The following THADA variants were observed in gnomAD, a reference collection of about 807,000 sequenced individuals.
The protein encoded by THADA is THADA armadillo repeat containing.
A neutral mutation model predicts 219.8 loss-of-function variants in THADA; 213 were observed. That is an observed-to-expected ratio of 0.97 (90% confidence interval 0.87 to 1.09). The LOEUF (loss-of-function observed/expected upper bound fraction) is 1.09. Among genes scored for constraint, THADA ranks in the 50% least tolerant of loss-of-function variants. The probability of loss-of-function intolerance (pLI) is 0.00; values close to 1 mark genes in which losing one functional copy is unlikely to be tolerated. For synonymous variants in THADA, 1,018 were observed against 828.9 expected, an observed-to-expected ratio of 1.23 and a Z score of -3.92; for missense variants, 2,956 against 2,311.3, an observed-to-expected ratio of 1.28 and a Z score of -5.72.
intron 28 of THADA, among the ~76,000 whole-genome samples, chr2:43,427,170 T>C (rs571192759): frequency 6.6e-6 from 1 of 152,284 alleles, no homozygotes; most frequent in African/African-American, 2.4e-5. Flanking sequence ...TGCCACCCAT[T>C]GCACCGGCTC....
At chr2:43,448,498 C>T (rs930670660) in intron 26 of THADA, among the ~76,000 whole-genome samples, 1 of 151,874 alleles carries the variant, frequency 6.6e-6, no homozygotes, top group African/African-American at 2.4e-5. Context: ...AGTTACAAAC[C>T]CCTCCCCTCA....
In THADA at chr2:43,571,747, G is replaced by A; in HGVS notation, c.2024C>T (p.Ser675Phe). The change falls in exon 13 of 38, where the codon TCT (serine) becomes TTT (phenylalanine). Residue 675 changes from serine to phenylalanine, a missense_variant. Ser to Phe is a radical substitution (Grantham distance 155, BLOSUM62 -2). Transcript: ENST00000405975. ...FFITYNLNSQSPGVRQQICSL... is the reference protein window; with the variant it reads ...FFITYNLNSQFPGVRQQICSL... ...ACAGATCTGTTGCCGCACTCCTGGA[G>A]ACTGGCTGTTAAGATTGTATGTAAT... 1.2e-6 allele frequency: 2 copies of A among 1,613,906 alleles called. No homozygotes were observed. The highest frequency in any genetic ancestry group is 1.3e-5 in the African/African-American group (1 of 75,026).
At chr2:43,376,626 C>A (rs910351273) in intron 29 of THADA, among the ~76,000 whole-genome samples, 1 of 152,180 alleles carries the variant, frequency 6.6e-6, no homozygotes, top group African/African-American at 2.4e-5. Context: ...GCCCCAAATA[C>A]CACACTCGAA....
chr2:43,581,680 G>A (rs1700475253), intron 8 of THADA, 61 bp downstream of exon 8: 2 of 1,426,366 alleles, frequency 1.4e-6, no homozygotes, highest in Non-Finnish European at 1.9e-6. Context: ...AGGAAAAGCT[G>A]ATTGACACTC....
At chr2:43,546,282 A>G (rs916600364) in intron 20 of THADA, among the ~76,000 whole-genome samples, 17 of 151,950 alleles carry the variant, frequency 1.1e-4, no homozygotes, top group African/African-American at 3.4e-4. Flanking sequence ...GGAGAGCTTT[A>G]CTTCCCACTA....
intron 29 of THADA, among the ~76,000 whole-genome samples, chr2:43,349,012 A>G (rs564547574): frequency 5.9e-4 from 90 of 152,280 alleles, no homozygotes; most frequent in African/African-American, 2.1e-3. Flanking sequence ...TGTTGCCCTA[A>G]GATGGTTATG....
chr2:43,278,352 GA>G (rs1229648195), intron 36 of THADA, among the ~76,000 whole-genome samples: 1 of 152,156 alleles, frequency 6.6e-6, no homozygotes. Context: ...TCAGTCTAAA[GA>G]AAAAGATCTA....
chr2:43,362,143 G>C (rs1465730279), intron 29 of THADA, among the ~76,000 whole-genome samples: 1 of 152,134 alleles, frequency 6.6e-6, no homozygotes, highest in African/African-American at 2.4e-5. Flanking sequence ...TCATTTCCTG[G>C]GTGAATCTGG....
At position 43,272,579 on chromosome 2, in the gene THADA, G is replaced by A. The variant is rs145752687; in HGVS notation, c.5296+7186C>T. ...AATCTATAGACTATCTTAAGTAGGAGTAAGAGAAGGGGTCAGAAAACAATT... is the reference window on the plus strand; with the variant it reads ...AATCTATAGACTATCTTAAGTAGGAATAAGAGAAGGGGTCAGAAAACAATT... On this transcript the variant is annotated intron_variant, in intron 36 of 37. Transcript: ENST00000405975. 2.5e-3 allele frequency among the ~76,000 whole-genome samples: 378 copies of A among 150,214 alleles called. 1 individual carries two copies. Among genetic ancestry groups the A allele is most frequent in the African/African-American group, 8.9e-3 (365 of 41,030 alleles).
intron 26 of THADA, among the ~76,000 whole-genome samples, chr2:43,482,277 T>C (rs946951172): frequency 6.6e-6 from 1 of 152,124 alleles, no homozygotes. Flanking sequence ...ATAAGACTAA[T>C]GGGTGCAAAA....
rs1700506803 is a variant in THADA, at chr2:43,581,934, A to C, written c.534-6T>G. The C allele has an allele frequency of 1.3e-6, 2 of 1,522,054 alleles. No homozygotes were observed. Among genetic ancestry groups the C allele is most frequent in the African/African-American group, 1.4e-5 (1 of 70,658 alleles). The allele number at this position is 1,522,054 out of a possible 1,614,324, so 94.3% of individuals were successfully genotyped here. A position where few individuals can be genotyped will look rare whatever the true frequency, so the allele number is the denominator to read the frequency against. ...TATGATTTCCAGCACATTTTCTATA[A>C]AGAAGAAAAGACATTATTACAAAAG... On this transcript the variant is annotated splice_region_variant and splice_polypyrimidine_tract_variant and intron_variant, in intron 7 of 37. Coordinates refer to ENST00000405975, the MANE Select transcript of THADA (RefSeq NM_022065.5).
chr2:43,487,389 G>C lies in THADA; in HGVS notation c.3745-2064C>G, dbSNP rs115037236. ...TAAAATTAAAACAGGAGTGCCTGGAGATGTTGAGAAATGCACACCTTAAAC... is the reference window on the plus strand; with the variant it reads ...TAAAATTAAAACAGGAGTGCCTGGACATGTTGAGAAATGCACACCTTAAAC... On this transcript the variant is annotated intron_variant, in intron 25 of 37. Transcript: ENST00000405975. Among the ~76,000 whole-genome samples, 884 of 152,292 alleles carry C rather than the reference G, an allele frequency of 5.8e-3. 14 individuals are homozygous for C. Among genetic ancestry groups the C allele is most frequent in the African/African-American group, 0.02 (834 of 41,552 alleles).
At chr2:43,363,476 T>C (rs948216033) in intron 29 of THADA, among the ~76,000 whole-genome samples, 1 of 152,212 alleles carries the variant, frequency 6.6e-6, no homozygotes, top group Non-Finnish European at 1.5e-5. Flanking sequence ...GAACGAATCA[T>C]ATCTCCATAA....
chr2:43,421,075 T>G (rs1219056762), intron 28 of THADA, among the ~76,000 whole-genome samples: 1 of 152,228 alleles, frequency 6.6e-6, no homozygotes, highest in Non-Finnish European at 1.5e-5. Context: ...TCAAAATGTA[T>G]GTATCTGTAA....
chr2:43,550,719 T>C (rs1696648141), intron 19 of THADA, among the ~76,000 whole-genome samples: 1 of 152,184 alleles, frequency 6.6e-6, no homozygotes, highest in Non-Finnish European at 1.5e-5. Context: ...ACAGAAATAT[T>C]CAAGATTTCT....
At chr2:43,559,624 A>C (rs1450883566) in intron 16 of THADA, among the ~76,000 whole-genome samples, 2 of 152,132 alleles carry the variant, frequency 1.3e-5, no homozygotes, top group African/African-American at 4.8e-5. Flanking sequence ...ACTCATCCCC[A>C]CACAATGTGT....
At chr2:43,263,753 C>A (rs531740476) in intron 36 of THADA, among the ~76,000 whole-genome samples, 12 of 152,264 alleles carry the variant, frequency 7.9e-5, no homozygotes, top group African/African-American at 2.9e-4. Flanking sequence ...TTTTTAAGTT[C>A]CAGGGTACAT....
At chr2:43,576,959 G>T in intron 10 of THADA, 63 bp downstream of exon 10, 1 of 1,446,080 alleles carries the variant, frequency 6.9e-7, no homozygotes, top group Non-Finnish European at 9.5e-7. Flanking sequence ...CCAGCTTTTG[G>T]ACTGCATCTT....
At chr2:43,380,983 A>T (rs1671942538) in intron 29 of THADA, among the ~76,000 whole-genome samples, 1 of 151,662 alleles carries the variant, frequency 6.6e-6, no homozygotes, top group Non-Finnish European at 1.5e-5. Flanking sequence ...CTATAGTCCC[A>T]GCTACTCAGG....
Sources: allele counts gnomAD v4.1 joint callset (sites outside exome capture counted in the v4.1 genomes callset), GRCh38; gene constraint gnomAD v4.1.1; transcripts MANE v1.5; gene names NCBI Gene and HGNC (gene_info 2026-07-23, HGNC 2026-07-21).